CELF2: variants seen among roughly 807,000 people sequenced by gnomAD.
CELF2 encodes the protein CUG triplet repeat RNA-binding protein 2.
CELF2 carries 8 observed loss-of-function variants against 62.6 expected under a neutral mutation model. The observed-to-expected ratio is 0.13, with a 90% CI of 0.07 to 0.23. The LOEUF (loss-of-function observed/expected upper bound fraction) is 0.23, where lower values mean the gene tolerates loss of function less well. CELF2 is among the 10% of genes least tolerant of loss of function. The pLI, the probability that CELF2 is intolerant of heterozygous loss-of-function variation, is 1.00. For missense variants in CELF2, 333 were observed against 671.0 expected (o/e 0.50, Z 5.56); for synonymous variants, 258 against 250.0 (o/e 1.03, Z -0.30).
intron 9 of CELF2, among the ~76,000 whole-genome samples, chr10:11,291,666 T>C (rs895478623): frequency 1.4e-4 from 21 of 152,210 alleles, no homozygotes; most frequent in African/African-American, 5.1e-4. Flanking sequence ...TTTACCTGTG[T>C]TTACCCCAGT....
the CELF2 span, among the ~76,000 whole-genome samples, chr10:10,711,482 C>T: frequency 6.6e-6 from 1 of 152,184 alleles, no homozygotes; most frequent in Non-Finnish European, 1.5e-5. Flanking sequence ...TGTCCAGTCT[C>T]CAAAGTCCAT....
chr10:11,122,690 C>T (rs1356617764), intron 1 of CELF2, among the ~76,000 whole-genome samples: 1 of 152,230 alleles, frequency 6.6e-6, no homozygotes, highest in African/African-American at 2.4e-5. Flanking sequence ...TTACAACAAG[C>T]AGTCGTGAAA....
chr10:10,573,434 T>A, the CELF2 span, among the ~76,000 whole-genome samples: 4,838 of 152,060 alleles, frequency 0.032, 156 homozygotes, highest in East Asian at 0.1. Context: ...TATAGAAGAG[T>A]TTTTATACCT....
chr10:10,753,560 C>T, the CELF2 span, among the ~76,000 whole-genome samples: 3 of 152,208 alleles, frequency 2.0e-5, no homozygotes, highest in African/African-American at 7.2e-5. Flanking sequence ...GAAATGTATC[C>T]AAGGACCGGG....
the CELF2 span, among the ~76,000 whole-genome samples, chr10:10,670,748 G>A: frequency 6.6e-6 from 1 of 152,148 alleles, no homozygotes; most frequent in Non-Finnish European, 1.5e-5. Context: ...CTATTCATCT[G>A]TCCCTCCCCT....
At chr10:10,869,481 G>A (rs2060595985) in intron 1 of CELF2, among the ~76,000 whole-genome samples, 1 of 151,936 alleles carries the variant, frequency 6.6e-6, no homozygotes, top group African/African-American at 2.4e-5. Flanking sequence ...AGAATCCCTT[G>A]AACCCAGAAG....
Position 11,314,383 on chromosome 10 carries a change from G to A in CELF2, c.1096+125G>A. ...CACGGGGAGAACTAAAACTTGGGAT[G>A]GAGGAGCACATGCTTTGATAGGCAA... On this transcript the variant is annotated intron_variant, in intron 10 of 12. Transcript: ENST00000633077. This position sits in a 1 kb window ranked among gnomAD's most constrained non-coding sequence, Gnocchi z 5.3. 3.1e-6 allele frequency: 4 copies of A among 1,298,174 alleles called. No individual in the cohort carries two copies. The highest frequency in any genetic ancestry group is 4.4e-6 in the Non-Finnish European group (4 of 904,882). 80.4% of individuals were successfully genotyped at this position (1,298,174 alleles called of 1,614,324 possible).
the CELF2 span, among the ~76,000 whole-genome samples, chr10:10,687,592 GGGCACTCACTGAGA>G: frequency 6.6e-6 from 1 of 151,988 alleles, no homozygotes; most frequent in Non-Finnish European, 1.5e-5. Context: ...TATCTCCCTA[GGGCACTCACTGAGA>G]TTCCTGAATT....
intron 1 of CELF2, among the ~76,000 whole-genome samples, chr10:11,067,266 G>A (rs2068428591): frequency 6.6e-6 from 1 of 152,146 alleles, no homozygotes; most frequent in Admixed American, 6.5e-5. Context: ...TAAAAACACT[G>A]GGCTTACGTT....
chr10:10,960,858 T>A (rs2049419368), intron 2 of CELF2, among the ~76,000 whole-genome samples: 1 of 152,198 alleles, frequency 6.6e-6, no homozygotes, highest in South Asian at 2.1e-4. Context: ...TTTGTACATT[T>A]CAACACAATA....
At chr10:10,582,325 T>C in the CELF2 span, among the ~76,000 whole-genome samples, 1 of 152,212 alleles carries the variant, frequency 6.6e-6, no homozygotes, top group Non-Finnish European at 1.5e-5. Context: ...CATTGTTACA[T>C]ACCTTTTGGA....
At chr10:10,572,097 CG>C in the CELF2 span, among the ~76,000 whole-genome samples, 1 of 152,048 alleles carries the variant, frequency 6.6e-6, no homozygotes, top group African/African-American at 2.4e-5. Context: ...AATGGCAACA[CG>C]TATGGTATTA....
chr10:10,723,426 C>T, the CELF2 span, among the ~76,000 whole-genome samples: 1 of 152,324 alleles, frequency 6.6e-6, no homozygotes, highest in South Asian at 2.1e-4. Flanking sequence ...CTATTGGAGA[C>T]AATAAGGACT....
chr10:10,663,897 C>T, the CELF2 span, among the ~76,000 whole-genome samples: 1 of 152,160 alleles, frequency 6.6e-6, no homozygotes, highest in Admixed American at 6.5e-5. Flanking sequence ...CCTATTGCAA[C>T]AAAAGAAATC....
At chr10:10,480,085 G>A in the CELF2 span, among the ~76,000 whole-genome samples, 1 of 151,950 alleles carries the variant, frequency 6.6e-6, no homozygotes, top group Non-Finnish European at 1.5e-5. Flanking sequence ...GCGGGTCTTC[G>A]GAAATAATTG....
At chr10:11,271,693 AT>A (rs1349082016) in intron 7 of CELF2, among the ~76,000 whole-genome samples, 1 of 147,988 alleles carries the variant, frequency 6.8e-6, no homozygotes, top group Non-Finnish European at 1.5e-5. Flanking sequence ...TGGGCCTTTT[AT>A]TCCAGCCTCA....
At chr10:10,854,373 C>T (rs999450402) in intron 1 of CELF2, among the ~76,000 whole-genome samples, 4 of 152,070 alleles carry the variant, frequency 2.6e-5, no homozygotes, top group Non-Finnish European at 5.9e-5. Flanking sequence ...ATGGTGTGAC[C>T]GTAAACAAGA....
chr10:10,481,906 T>G, the CELF2 span, among the ~76,000 whole-genome samples: 2 of 152,216 alleles, frequency 1.3e-5, no homozygotes, highest in Non-Finnish European at 2.9e-5. Flanking sequence ...CAGGTCTCAT[T>G]GCATATGTAG....
chr10:10,560,844 G>A, the CELF2 span, among the ~76,000 whole-genome samples: 1 of 152,138 alleles, frequency 6.6e-6, no homozygotes, highest in Admixed American at 6.5e-5. Flanking sequence ...CCATAAAAAG[G>A]AATGAATTAA....
Sources: gnomAD v4.1 joint callset for allele counts (sites outside exome capture counted in the v4.1 genomes callset) on GRCh38, gnomAD v4.1.1 for gene constraint, Gnocchi (gnomAD v3.1) non-coding constraint, MANE v1.5 for transcripts, NCBI Gene and HGNC (gene_info 2026-07-23, HGNC 2026-07-21) for gene names.